The following SDC2 variants were observed in gnomAD, a reference collection of about 807,000 sequenced individuals.
The protein encoded by SDC2 is syndecan-2.
In SDC2, 13 loss-of-function variants were observed where a neutral mutation model predicts 22.2. The observed-to-expected ratio is 0.59, with a 90% CI of 0.38 to 0.93. The LOEUF is 0.93. Ranked by LOEUF, SDC2 falls within the 40% of genes least tolerant of loss-of-function variation. The pLI is 0.00. For missense variants in SDC2, 235 were observed against 246.8 expected (o/e 0.95, Z 0.32); for synonymous variants, 94 against 92.8 (o/e 1.01, Z -0.07).
At chr8:96,509,893 T>C (rs1001508083) in intron 1 of SDC2, among the ~76,000 whole-genome samples, 1 of 152,230 alleles carries the variant, frequency 6.6e-6, no homozygotes, top group African/African-American at 2.4e-5. Context: ...GCTTTTTCCT[T>C]TTCTCCAGTG....
chr8:96,528,719 G>A (rs1813616535), intron 1 of SDC2, among the ~76,000 whole-genome samples: 1 of 152,088 alleles, frequency 6.6e-6, no homozygotes, highest in South Asian at 2.1e-4. Context: ...TTATATGTCT[G>A]TAATTTACTA....
chr8:96,595,064 A>G (rs1411342983), intron 2 of SDC2, among the ~76,000 whole-genome samples: 5 of 152,248 alleles, frequency 3.3e-5, no homozygotes, highest in Admixed American at 2.0e-4. Flanking sequence ...AAAAAAGGGA[A>G]GAGCTTTCCA....
chr8:96,585,156 T>C (rs1312559014), intron 1 of SDC2: 2 of 152,230 alleles, frequency 1.3e-5, no homozygotes, highest in Non-Finnish European at 2.9e-5. Flanking sequence ...ATGAAGTGTA[T>C]TTTTAAAAAA....
intron 1 of SDC2, among the ~76,000 whole-genome samples, chr8:96,505,058 G>C (rs1241095183): frequency 6.6e-6 from 1 of 152,158 alleles, no homozygotes; most frequent in Non-Finnish European, 1.5e-5. Flanking sequence ...GTTAAAGCAG[G>C]AACAGGCCAT....
intron 1 of SDC2, among the ~76,000 whole-genome samples, chr8:96,580,148 A>G (rs1814566484): frequency 6.6e-6 from 1 of 152,374 alleles, no homozygotes; most frequent in East Asian, 1.9e-4. Flanking sequence ...GATTGTGGTC[A>G]TCACCGGTGG....
chr8:96,520,740 A>T (rs1292065052), intron 1 of SDC2, among the ~76,000 whole-genome samples: 1 of 152,200 alleles, frequency 6.6e-6, no homozygotes, highest in Non-Finnish European at 1.5e-5. Flanking sequence ...AGGAGGTCTG[A>T]TGCAGTTCTC....
intron 1 of SDC2, among the ~76,000 whole-genome samples, chr8:96,526,675 A>C (rs1310347560): frequency 1.3e-5 from 2 of 150,982 alleles, no homozygotes; most frequent in Admixed American, 1.3e-4. Context: ...TTTTTTTTGG[A>C]CAGTTTTTAA....
chr8:96,558,478 G>A (rs1814156595), intron 1 of SDC2, among the ~76,000 whole-genome samples: 1 of 152,174 alleles, frequency 6.6e-6, no homozygotes, highest in African/African-American at 2.4e-5. Flanking sequence ...TTCACCGTCT[G>A]AGATAGTCTT....
chr8:96,570,510 A>G (rs2130581539), intron 1 of SDC2, among the ~76,000 whole-genome samples: 1 of 152,362 alleles, frequency 6.6e-6, no homozygotes, highest in African/African-American at 2.4e-5. Context: ...ATAGAGAAGT[A>G]TGTAGACTTA....
At chr8:96,599,100 C>A (rs987934056) in intron 2 of SDC2, among the ~76,000 whole-genome samples, 1 of 151,934 alleles carries the variant, frequency 6.6e-6, no homozygotes, top group Non-Finnish European at 1.5e-5. Context: ...CACCACCACA[C>A]CTGGCTAATT....
At chr8:96,603,266 C>T (rs1815023478) in intron 3 of SDC2, among the ~76,000 whole-genome samples, 1 of 152,154 alleles carries the variant, frequency 6.6e-6, no homozygotes. Context: ...CTTCTGAACC[C>T]ATTTCCTATG....
chr8:96,527,587 G>A (rs929123903), intron 1 of SDC2, among the ~76,000 whole-genome samples: 5 of 152,108 alleles, frequency 3.3e-5, no homozygotes, highest in African/African-American at 4.8e-5. Flanking sequence ...GGGCCTCTTC[G>A]TGCAGGCTGT....
intron 1 of SDC2, among the ~76,000 whole-genome samples, chr8:96,571,797 A>G (rs1019795557): frequency 6.6e-6 from 1 of 152,176 alleles, no homozygotes. Context: ...AACATTTTCT[A>G]TTTCATAAAC....
chr8:96,495,033 C>T (rs900716745), intron 1 of SDC2, among the ~76,000 whole-genome samples: 1 of 152,214 alleles, frequency 6.6e-6, no homozygotes, highest in Non-Finnish European at 1.5e-5. Flanking sequence ...CCTGCGGCGA[C>T]CCCCTCCTCG....
intron 1 of SDC2, among the ~76,000 whole-genome samples, chr8:96,558,833 G>C (rs542060553): frequency 6.6e-6 from 1 of 152,268 alleles, no homozygotes; most frequent in South Asian, 2.1e-4. Flanking sequence ...GTGTGTGTGT[G>C]TGTCTAATAA....
intron 1 of SDC2, among the ~76,000 whole-genome samples, chr8:96,560,070 C>CA (rs1288250978): frequency 2.0e-5 from 3 of 152,146 alleles, no homozygotes; most frequent in Non-Finnish European, 4.4e-5. Flanking sequence ...ACCATCACTA[C>CA]AATCAATTTT....
intron 1 of SDC2, among the ~76,000 whole-genome samples, chr8:96,547,401 C>T (rs1213619830): frequency 6.6e-6 from 1 of 152,172 alleles, no homozygotes; most frequent in African/African-American, 2.4e-5. Context: ...ATGACTCAAG[C>T]TCACCCATAA....
chr8:96,496,026 T>C (rs2130409419), intron 1 of SDC2, among the ~76,000 whole-genome samples: 1 of 152,322 alleles, frequency 6.6e-6, no homozygotes, highest in South Asian at 2.1e-4. Flanking sequence ...TTGCTCCTCT[T>C]GTTGCAAAAC....
intron 1 of SDC2, among the ~76,000 whole-genome samples, chr8:96,580,168 G>A (rs1249189765): frequency 6.6e-6 from 1 of 152,254 alleles, no homozygotes; most frequent in Non-Finnish European, 1.5e-5. Flanking sequence ...GGCCAGGGCA[G>A]CGAGGCAGGG....
Sources: allele counts gnomAD v4.1 joint callset (sites outside exome capture counted in the v4.1 genomes callset), GRCh38; gene constraint gnomAD v4.1.1; transcripts MANE v1.5; gene names NCBI Gene and HGNC (gene_info 2026-07-23, HGNC 2026-07-21).